The following TMEM253 variants were observed in gnomAD, a reference collection of about 807,000 sequenced individuals.
The protein encoded by TMEM253 is transmembrane protein C14orf176.
In TMEM253, 22 loss-of-function variants were observed where a neutral mutation model predicts 20.3. That is an observed-to-expected ratio of 1.08 (90% confidence interval 0.78 to 1.55). The LOEUF (loss-of-function observed/expected upper bound fraction) is 1.55, where lower values mean the gene tolerates loss of function less well. Among genes scored for constraint, TMEM253 ranks in the 40% most tolerant of loss-of-function variants. TMEM253 has a pLI of 0.00. For synonymous variants in TMEM253, 92 were observed against 102.6 expected, an observed-to-expected ratio of 0.90 and a Z score of 0.62; for missense variants, 251 against 266.1, an observed-to-expected ratio of 0.94 and a Z score of 0.39.
intron 2 of TMEM253, 120 bp downstream of exon 2, chr14:21,101,571 T>G: frequency 1.1e-6 from 1 of 942,806 alleles, no homozygotes; most frequent in African/African-American, 1.7e-5. Flanking sequence ...TGAGCTAGGT[T>G]CTGAATGGGA....
chr14:21,102,611 T>C (rs1294769195), intron 5 of TMEM253, 22 bp from the exon 6 acceptor site: 1 of 1,551,262 alleles, frequency 6.4e-7, no homozygotes. Flanking sequence ...GTCCCTGCAT[T>C]CTCAGCCCTG....
At chr14:21,098,960 T>C, upstream of TMEM253, 1 of 744,620 alleles carries the variant, frequency 1.3e-6, no homozygotes, top group Non-Finnish European at 1.9e-6. Flanking sequence ...ATAGTTAATG[T>C]CGGCCGTATA....
chr14:21,100,366 T>C (rs1453215637), upstream of TMEM253, among the ~76,000 whole-genome samples: 1 of 111,198 alleles, frequency 9.0e-6, no homozygotes, highest in Non-Finnish European at 2.3e-5. Flanking sequence ...CCTGTCTCAA[T>C]AATATAATAA....
chr14:21,098,919 T>A, upstream of TMEM253: 1 of 1,210,138 alleles, frequency 8.3e-7, no homozygotes, highest in Non-Finnish European at 1.1e-6. Context: ...TCTGTCTCTC[T>A]TTTGGGGGAG....
upstream of TMEM253, chr14:21,101,004 C>T: frequency 5.1e-6 from 1 of 195,416 alleles, no homozygotes. Context: ...AGGCCGGTAT[C>T]TACCCAGGGC....
At position 21,102,399 on chromosome 14, in the gene TMEM253, T is replaced by C; in HGVS notation, c.277-6T>C. The C allele has an allele frequency of 1.9e-6, 3 of 1,551,672 alleles. No homozygotes were observed. Among genetic ancestry groups the C allele is most frequent in the Non-Finnish European group, 2.6e-6 (3 of 1,146,958 alleles). ...GCTGGGCAGGGCTGAGCTGGCTCAC[T>C]GGCAGGTGCGGGCCATGATGATATT... On this transcript the variant is annotated splice_polypyrimidine_tract_variant and splice_region_variant and intron_variant, in intron 4 of 6. Coordinates refer to ENST00000556585, the Ensembl canonical transcript of TMEM253.
chr14:21,101,938 A>C, exon 3 of TMEM253: 1 of 1,551,596 alleles, frequency 6.4e-7, no homozygotes, highest in Non-Finnish European at 8.7e-7. Flanking sequence ...TCTGATTGTC[A>C]CATGGCCACA....
chr14:21,103,115 C>T (rs890915704), intron 6 of TMEM253, 24 bp from the exon 7 acceptor site: 5 of 1,551,522 alleles, frequency 3.2e-6, no homozygotes, highest in East Asian at 2.4e-5. Context: ...CTACAATTTG[C>T]TCACACCTGT....
chr14:21,103,601 A>G (rs902406492), exon 7 of TMEM253: 22 of 242,332 alleles, frequency 9.1e-5, no homozygotes, highest in Non-Finnish European at 1.6e-4. Context: ...CCTGAATCCA[A>G]TTCAGGAGTG....
chr14:21,100,531 T>G (rs888434957), upstream of TMEM253, among the ~76,000 whole-genome samples: 2 of 111,670 alleles, frequency 1.8e-5, no homozygotes, highest in African/African-American at 6.1e-5. Context: ...TTGAGGACCA[T>G]GAGATAGATA....
chr14:21,102,878 G>A, intron 6 of TMEM253, 99 bp downstream of exon 6: 4 of 1,470,992 alleles, frequency 2.7e-6, no homozygotes, highest in Non-Finnish European at 3.6e-6. Flanking sequence ...AATGGGGCAG[G>A]AGAGAAAAGA....
intron 2 of TMEM253, 135 bp from the exon 3 acceptor site, chr14:21,101,730 C>G (rs980811772): frequency 2.8e-6 from 2 of 714,216 alleles, no homozygotes; most frequent in Admixed American, 5.8e-5. Context: ...TTAATGATCA[C>G]GTCCTTGCTC....
exon 2 of TMEM253, chr14:21,101,433 G>C: frequency 6.4e-7 from 1 of 1,551,490 alleles, no homozygotes; most frequent in Non-Finnish European, 8.7e-7. Context: ...GGCAGAGTGG[G>C]CACCTCTTGG....
In TMEM253 at chr14:21,101,294, C is replaced by T. The variant is rs552999987; in HGVS notation, c.-36-14C>T. 1.1e-5 allele frequency: 17 copies of T among 1,511,350 alleles called. No individual in the cohort carries two copies. The highest frequency in any genetic ancestry group is 3.9e-5 in the Admixed American group (2 of 50,706). The allele number at this position is 1,511,350 out of a possible 1,614,324, so 93.6% of individuals were successfully genotyped here. ...GTCTCCTAATAGACAGAACCTATAA[C>T]GCATTTTTCCCAGCCTAGGAAGCAC... is the stretch of plus-strand genomic sequence containing the variant. On this transcript the variant is annotated splice_polypyrimidine_tract_variant and intron_variant, in intron 1 of 6. Transcript: ENST00000556585.
At chr14:21,102,013 G>T (rs1474974683) in intron 3 of TMEM253, 38 bp downstream of exon 3, 72 of 1,550,612 alleles carry the variant, frequency 4.6e-5, no homozygotes, top group Non-Finnish European at 5.9e-5. Context: ...AGGTCCCAGG[G>T]CCCCTTCCTA....
intron 6 of TMEM253, 103 bp downstream of exon 6, chr14:21,102,882 G>C: frequency 6.9e-7 from 1 of 1,457,732 alleles, no homozygotes; most frequent in Non-Finnish European, 9.1e-7. Context: ...GGGCAGGAGA[G>C]AAAAGAAGAG....
chr14:21,102,281 C>T, intron 4 of TMEM253, 124 bp from the exon 5 acceptor site: 4 of 1,408,748 alleles, frequency 2.8e-6, no homozygotes, highest in Non-Finnish European at 3.9e-6. Context: ...GTTAAGAGGG[C>T]TTATGGCCCT....
At chr14:21,102,561 G>A in intron 5 of TMEM253, 46 bp downstream of exon 5, 4 of 1,551,570 alleles carry the variant, frequency 2.6e-6, no homozygotes, top group Middle Eastern at 1.7e-4. Flanking sequence ...GAGGCAAGAG[G>A]AGGTGGGAAG....
At chr14:21,101,421 C>A (rs1889623441) in exon 2 of TMEM253, 4 of 1,551,656 alleles carry the variant, frequency 2.6e-6, no homozygotes, top group Non-Finnish European at 2.6e-6. Context: ...GGGCAAGGCA[C>A]AGGCAGAGTG....
Sources: allele counts gnomAD v4.1 joint callset (sites outside exome capture counted in the v4.1 genomes callset), GRCh38; gene constraint gnomAD v4.1.1; transcripts MANE v1.5; gene names NCBI Gene and HGNC (gene_info 2026-07-23, HGNC 2026-07-21).